The following RNF175 variants were observed in gnomAD, a reference collection of about 807,000 sequenced individuals.
RNF175 encodes ring finger protein 175.
In RNF175, 38 loss-of-function variants were observed where a neutral mutation model predicts 50.0. The ratio of observed to expected loss-of-function variants is 0.76; its 90% CI spans 0.59 to 1.00. The LOEUF is 1.00. Among genes scored for constraint, RNF175 ranks in the 50% least tolerant of loss-of-function variants. RNF175 has a pLI of 0.00. For missense variants in RNF175, 388 were observed against 409.6 expected, an observed-to-expected ratio of 0.95 and a Z score of 0.46; for synonymous variants, 155 against 146.1, an observed-to-expected ratio of 1.06 and a Z score of -0.44.
At chr4:153,715,489 G>A in intron 7 of RNF175, 40 bp downstream of exon 7, 1 of 1,550,496 alleles carries the variant, frequency 6.4e-7, no homozygotes, top group South Asian at 1.2e-5. Context: ...GAAAGAAGGA[G>A]GCTTGATGAA....
chr4:153,759,295 G>C (rs1423677198), intron 1 of RNF175, among the ~76,000 whole-genome samples: 3 of 152,242 alleles, frequency 2.0e-5, no homozygotes, highest in Non-Finnish European at 2.9e-5. Flanking sequence ...CAGACCAGCA[G>C]TCTGCGTGGT....
intron 3 of RNF175, among the ~76,000 whole-genome samples, chr4:153,747,769 C>T (rs1740053899): frequency 6.6e-6 from 1 of 152,212 alleles, no homozygotes; most frequent in Non-Finnish European, 1.5e-5. Context: ...AAAGCTGCTT[C>T]CCCATTTTCA....
Sources: gnomAD v4.1 joint callset for allele counts (sites outside exome capture counted in the v4.1 genomes callset) on GRCh38, gnomAD v4.1.1 for gene constraint, MANE v1.5 for transcripts, NCBI Gene and HGNC (gene_info 2026-07-23, HGNC 2026-07-21) for gene names.